The following MAST4 variants were observed in gnomAD, a reference collection of about 807,000 sequenced individuals.
MAST4 encodes the protein microtubule associated serine/threonine kinase family member 4, also known as microtubule-associated serine/threonine-protein kinase 4.
MAST4 carries 89 observed loss-of-function variants against 162.7 expected under a neutral mutation model. The observed-to-expected ratio is 0.55, with a 90% confidence interval of 0.46 to 0.65. MAST4 has a LOEUF of 0.65. Ranked by LOEUF, MAST4 falls within the 30% of genes least tolerant of loss-of-function variation. MAST4 has a pLI of 0.00. For missense variants in MAST4, 3,153 were observed against 3,374.0 expected (o/e 0.93, Z 1.62); for synonymous variants, 1,479 against 1,361.1 (o/e 1.09, Z -1.91).
At chr5:66,880,621 T>G (rs1331572964) in intron 3 of MAST4, among the ~76,000 whole-genome samples, 2 of 152,156 alleles carry the variant, frequency 1.3e-5, no homozygotes, top group Admixed American at 6.5e-5. Flanking sequence ...CTCTAAAGTT[T>G]ATTGCAACAA....
At chr5:66,955,013 C>A (rs1745135618) in intron 4 of MAST4, among the ~76,000 whole-genome samples, 1 of 151,846 alleles carries the variant, frequency 6.6e-6, no homozygotes, top group South Asian at 2.1e-4. Flanking sequence ...CCAGCCTGGG[C>A]AACATAGTGA....
At position 67,165,531 on chromosome 5, in the gene MAST4, G is replaced by A. The variant is rs767639888; in HGVS notation, c.6352G>A (p.Glu2118Lys). 5 of 1,613,850 alleles carry A rather than the reference G, an allele frequency of 3.1e-6. No individual in the cohort carries two copies. Among genetic ancestry groups the A allele is most frequent in the Non-Finnish European group, 4.2e-6 (5 of 1,179,886 alleles). Residue 2118 changes from glutamate (E) to lysine (K), a missense_variant, in exon 29 of 29, where the codon GAA becomes AAA. Transcript: ENST00000403625. ...ATCTTTGCAGAAAGATGGTGCCAAG[G>A]AACCTGAAAGGAAGGAGCAGCCTCT... is the stretch of plus-strand genomic sequence containing the variant. ...FPSLQKDGAK[E>K]PERKEQPLQR...
chr5:66,610,663 G>A (rs1423178063), intron 1 of MAST4, among the ~76,000 whole-genome samples: 1 of 152,222 alleles, frequency 6.6e-6, no homozygotes, highest in African/African-American at 2.4e-5. Flanking sequence ...CAATATAGCA[G>A]CTTCTGAGGT....
In MAST4 at chr5:67,144,814, T is replaced by G; in HGVS notation, c.2858+18T>G. 1 of 1,578,612 alleles carries G rather than the reference T, an allele frequency of 6.3e-7. No homozygotes were observed. Among genetic ancestry groups the G allele is most frequent in the African/African-American group, 1.3e-5 (1 of 74,110 alleles). ...TCTGAAATGTATGTGAAATGCCTCT[T>G]AAGTAATATAAGCAGTAGCTACTAG... On this transcript the variant is annotated intron_variant, in intron 22 of 28. Transcript: ENST00000403625.
chr5:66,773,209 A>G lies in MAST4; in HGVS notation c.517+13347A>G, dbSNP rs1455147490. On this transcript the variant is annotated intron_variant, in intron 2 of 28. Coordinates refer to ENST00000403625, the MANE Select transcript of MAST4 (RefSeq NM_001164664.2). ...AAATGCAACCAACCGGGAAGTTGAA[A>G]GATTTATAAAAATTAGTGTTTCTGA... Among the ~76,000 whole-genome samples the G allele has an allele frequency of 2.0e-5, 3 of 152,232 alleles. No individual in the cohort carries two copies. In the East Asian group the frequency reaches 5.8e-4, roughly 29 times the overall value.
At chr5:66,922,899 A>G (rs764389309) in intron 4 of MAST4, among the ~76,000 whole-genome samples, 2 of 152,076 alleles carry the variant, frequency 1.3e-5, no homozygotes, top group Non-Finnish European at 2.9e-5. Flanking sequence ...ATGTTCCCCA[A>G]CCTCCAATTT....
intron 3 of MAST4, among the ~76,000 whole-genome samples, chr5:66,827,119 T>C (rs944304746): frequency 1.3e-5 from 2 of 152,232 alleles, no homozygotes; most frequent in African/African-American, 4.8e-5. Context: ...CTTAAGTGGC[T>C]TTTGTTTCTT....
chr5:66,834,237 G>A (rs558929154), intron 3 of MAST4, among the ~76,000 whole-genome samples: 2 of 152,300 alleles, frequency 1.3e-5, no homozygotes, highest in African/African-American at 4.8e-5. Context: ...TGCAGTACCA[G>A]GAGCTAGAAG....
Position 67,022,344 on chromosome 5 carries a change from T to C in MAST4, c.675-32060T>C, listed in dbSNP as rs534477463. ...GTCTACTTGAGGTGCCTTCCAAGTT[T>C]GTGACTCTCATATTGCATGGTACAT... On this transcript the variant is annotated intron_variant, in intron 4 of 28. Coordinates refer to ENST00000403625, the MANE Select transcript of MAST4 (RefSeq NM_001164664.2). Among the ~76,000 whole-genome samples, 106 of 152,148 alleles carry C rather than the reference T, an allele frequency of 7.0e-4. 2 individuals are homozygous for C. Among genetic ancestry groups the C allele is most frequent in the Admixed American group, 6.9e-3 (105 of 15,272 alleles).
At chr5:66,767,544 T>C (rs1042573303) in intron 2 of MAST4, among the ~76,000 whole-genome samples, 2 of 151,842 alleles carry the variant, frequency 1.3e-5, no homozygotes, top group Non-Finnish European at 2.9e-5. Context: ...AGTCACTGAG[T>C]AGTCTTGGAC....
intron 1 of MAST4, among the ~76,000 whole-genome samples, chr5:66,726,437 T>C (rs1251822597): frequency 6.6e-6 from 1 of 152,120 alleles, no homozygotes; most frequent in Non-Finnish European, 1.5e-5. Context: ...AATGATAAGA[T>C]AGCTGCTTGG....
At chr5:67,011,170 G>A (rs780557604) in intron 4 of MAST4, among the ~76,000 whole-genome samples, 10 of 152,046 alleles carry the variant, frequency 6.6e-5, no homozygotes, top group Non-Finnish European at 1.0e-4. Flanking sequence ...AGCCCTGACC[G>A]AGCGTCTCTG....
Position 66,715,958 on chromosome 5 carries a change from T to C in MAST4, c.364-43751T>C, listed in dbSNP as rs568329059. On this transcript the variant is annotated intron_variant, in intron 1 of 28. Coordinates refer to ENST00000403625, the MANE Select transcript of MAST4 (RefSeq NM_001164664.2). ...CTAATAGTTTTAATGATAATCTAGA[T>C]TAAATTTTTAACATTTAGAACCATT... is the stretch of plus-strand genomic sequence containing the variant. 3.9e-5 allele frequency among the ~76,000 whole-genome samples: 6 copies of C among 152,208 alleles called. No individual in the cohort carries two copies. In the South Asian group the frequency reaches 1.2e-3, roughly 32 times the overall value.
chr5:67,034,882 A>G (rs1455501008), intron 4 of MAST4, among the ~76,000 whole-genome samples: 3 of 152,170 alleles, frequency 2.0e-5, no homozygotes, highest in Non-Finnish European at 4.4e-5. Context: ...AAATGATAGT[A>G]TCTTCATTGA....
At chr5:66,667,767 T>C (rs1401730686) in intron 1 of MAST4, among the ~76,000 whole-genome samples, 2 of 150,716 alleles carry the variant, frequency 1.3e-5, no homozygotes, top group Admixed American at 6.6e-5. Flanking sequence ...CTGCTGCTAA[T>C]AGTATCTCCA....
At chr5:66,661,925 ATAT>A (rs1746936942) in intron 1 of MAST4, among the ~76,000 whole-genome samples, 1 of 152,186 alleles carries the variant, frequency 6.6e-6, no homozygotes, top group Non-Finnish European at 1.5e-5. Flanking sequence ...GGATGTCATA[ATAT>A]TCTCTGTTAT....
chr5:67,104,225 GCTT>G (rs1765348509), intron 9 of MAST4, 138 bp from the exon 10 acceptor site: 3 of 658,218 alleles, frequency 4.6e-6, no homozygotes, highest in Non-Finnish European at 8.0e-6. Flanking sequence ...CAGAAGTGAG[GCTT>G]CTTTTAAATT....
chr5:66,794,501 A>G (rs1028489637), intron 3 of MAST4, among the ~76,000 whole-genome samples: 2 of 152,232 alleles, frequency 1.3e-5, no homozygotes, highest in Non-Finnish European at 2.9e-5. Flanking sequence ...ATTGTGAGGT[A>G]GCTTTAGGTG....
In MAST4 at chr5:67,163,733, G is replaced by A. The variant is rs1303677864; in HGVS notation, c.4554G>A (p.Val1518=). 1.2e-6 allele frequency: 2 copies of A among 1,608,984 alleles called. No individual in the cohort carries two copies. Among genetic ancestry groups the A allele is most frequent in the Non-Finnish European group, 1.7e-6 (2 of 1,177,940 alleles). The part of the protein sequence containing the change: ...GCLKRPVSRK[V]GRQESVDDLD... The stretch of plus-strand genomic sequence containing the variant: ...TGAAACGCCCAGTCTCCCGGAAGGT[G>A]GGCCGCCAGGAGTCTGTGGACGACC... The change falls in exon 29 of 29, where the codon GTG becomes GTA. Residue 1518 remains valine, a synonymous_variant. Coordinates refer to ENST00000403625, the MANE Select transcript of MAST4 (RefSeq NM_001164664.2). The surrounding 1 kb of genome is among the most constrained non-coding windows in gnomAD (Gnocchi z 7.0).
Sources: gnomAD v4.1 joint callset for allele counts (sites outside exome capture counted in the v4.1 genomes callset) on GRCh38, gnomAD v4.1.1 for gene constraint, Gnocchi (gnomAD v3.1) non-coding constraint, MANE v1.5 for transcripts, NCBI Gene and HGNC (gene_info 2026-07-23, HGNC 2026-07-21) for gene names.